The following SLC12A8 variants were observed in gnomAD, a reference collection of about 807,000 sequenced individuals.
SLC12A8 encodes the protein cation-chloride cotransporter 9.
In SLC12A8, 69 loss-of-function variants were observed where a neutral mutation model predicts 75.6. The ratio of observed to expected loss-of-function variants is 0.91; its 90% confidence interval spans 0.75 to 1.11. The LOEUF (loss-of-function observed/expected upper bound fraction) is 1.11, where lower values mean the gene tolerates loss of function less well. Ranked by LOEUF, SLC12A8 falls within the 50% of genes most tolerant of loss-of-function variation. The probability of loss-of-function intolerance (pLI) is 0.00; values close to 1 mark genes in which losing one functional copy is unlikely to be tolerated. For synonymous variants in SLC12A8, 365 were observed against 372.8 expected, an observed-to-expected ratio of 0.98 and a Z score of 0.24; for missense variants, 877 against 896.7, an observed-to-expected ratio of 0.98 and a Z score of 0.28.
At chr3:125,117,702 A>G (rs1939347343) in intron 8 of SLC12A8, among the ~76,000 whole-genome samples, 1 of 152,240 alleles carries the variant, frequency 6.6e-6, no homozygotes, top group Non-Finnish European at 1.5e-5. Flanking sequence ...TCTCTGAAAA[A>G]TGATGGGAAT....
intron 10 of SLC12A8, among the ~76,000 whole-genome samples, chr3:125,099,683 C>G (rs1938815892): frequency 6.6e-6 from 1 of 152,190 alleles, no homozygotes; most frequent in South Asian, 2.1e-4. Context: ...AATCCCAGCA[C>G]TTTGGGAGGC....
intron 5 of SLC12A8, among the ~76,000 whole-genome samples, chr3:125,174,993 T>C (rs763387213): frequency 7.9e-5 from 12 of 152,184 alleles, no homozygotes; most frequent in Admixed American, 2.0e-4. Context: ...TTCCAGTAAA[T>C]GTACCACATT....
Position 125,135,685 on chromosome 3 carries a change from G to GAA in SLC12A8, c.718_719dup (p.Phe241SerfsTer61). 6.2e-7 allele frequency: 1 copy of GAA among 1,602,704 alleles called. No individual in the cohort carries two copies. The highest frequency in any genetic ancestry group is 2.2e-5 in the East Asian group (1 of 44,740). ...TTACAATACCTGTAGCCGCTGGGAA[G>GAA]AAAACCCCAAAGACAGTGAAAAAAG... On this transcript the variant is annotated frameshift_variant, in exon 6 of 14. Transcript: ENST00000469902. LOFTEE classifies it high-confidence loss of function.
chr3:125,168,998 T>C (rs1234234182), intron 5 of SLC12A8, among the ~76,000 whole-genome samples: 1 of 152,226 alleles, frequency 6.6e-6, no homozygotes, highest in Non-Finnish European at 1.5e-5. Flanking sequence ...AGTGGAACCC[T>C]GTAGAGACCA....
intron 3 of SLC12A8, 63 bp from the exon 4 acceptor site, chr3:125,187,491 G>T: frequency 1.3e-6 from 2 of 1,501,326 alleles, no homozygotes; most frequent in Non-Finnish European, 9.1e-7. Context: ...GCTCCCTGCT[G>T]GGGGCATTGA....
chr3:125,107,947 G>C lies in SLC12A8; in HGVS notation c.1239C>G (p.Thr413=). The change falls in exon 10 of 14, where the codon ACC becomes ACG. Residue 413 remains threonine (T), a synonymous_variant. Transcript: ENST00000469902. Reference sequence around the variant, plus strand: ...CCCTGAGCACCGGCTCAGGCACCGGGGTCAGGCTGCAGGAACACATGGACA... The same window carrying C: ...CCCTGAGCACCGGCTCAGGCACCGGCGTCAGGCTGCAGGAACACATGGACA... ...FSLSMCSCSL[T]PVPEPVLREG... 6 of 1,614,174 alleles carry C rather than the reference G, an allele frequency of 3.7e-6. No homozygotes were observed. Among genetic ancestry groups the C allele is most frequent in the Non-Finnish European group, 5.1e-6 (6 of 1,180,026 alleles).
At chr3:125,212,384 C>G (rs767903852) in intron 1 of SLC12A8, among the ~76,000 whole-genome samples, 1 of 152,114 alleles carries the variant, frequency 6.6e-6, no homozygotes, top group Non-Finnish European at 1.5e-5. Flanking sequence ...CCCTTCCCGC[C>G]GCCCCGCGGC....
intron 2 of SLC12A8, among the ~76,000 whole-genome samples, chr3:125,209,000 G>A (rs1935286502): frequency 6.6e-6 from 1 of 152,114 alleles, no homozygotes; most frequent in Admixed American, 6.5e-5. Context: ...CCACTAGCCT[G>A]TCTTCCCACT....
At chr3:125,137,010 C>T (rs1445816841) in intron 5 of SLC12A8, among the ~76,000 whole-genome samples, 1 of 152,174 alleles carries the variant, frequency 6.6e-6, no homozygotes, top group Non-Finnish European at 1.5e-5. Context: ...TTCCCTCAAC[C>T]CCTGTAGTCC....
At chr3:125,140,760 C>T (rs1933611017) in intron 5 of SLC12A8, among the ~76,000 whole-genome samples, 1 of 151,932 alleles carries the variant, frequency 6.6e-6, no homozygotes, top group East Asian at 1.9e-4. Context: ...CGCTCTATCA[C>T]CGAGGCTGGA....
chr3:125,174,785 A>G (rs1934483663), intron 5 of SLC12A8, among the ~76,000 whole-genome samples: 1 of 152,266 alleles, frequency 6.6e-6, no homozygotes, highest in Admixed American at 6.5e-5. Flanking sequence ...CTATGGAAAC[A>G]GTAAAAAGAT....
At chr3:125,105,779 C>T (rs1939006423) in intron 10 of SLC12A8, among the ~76,000 whole-genome samples, 2 of 152,186 alleles carry the variant, frequency 1.3e-5, no homozygotes, top group East Asian at 1.9e-4. Flanking sequence ...CCTGTAATTT[C>T]AGCACTTTGG....
chr3:125,211,004 GA>G (rs1247054031), intron 2 of SLC12A8, among the ~76,000 whole-genome samples: 2 of 100,654 alleles, frequency 2.0e-5, no homozygotes, highest in African/African-American at 6.6e-5. Flanking sequence ...CATATTATCT[GA>G]GTCCTCACTG....
chr3:125,197,862 C>T (rs1935035677), intron 2 of SLC12A8, among the ~76,000 whole-genome samples: 1 of 152,184 alleles, frequency 6.6e-6, no homozygotes, highest in Non-Finnish European at 1.5e-5. Flanking sequence ...TGCCAAGAAT[C>T]ATCAATGGAT....
chr3:125,161,949 C>T (rs1450184453), intron 5 of SLC12A8, among the ~76,000 whole-genome samples: 1 of 152,272 alleles, frequency 6.6e-6, no homozygotes, highest in Non-Finnish European at 1.5e-5. Flanking sequence ...TTCCTTCCTT[C>T]CTTCTTCCCA....
intron 6 of SLC12A8, among the ~76,000 whole-genome samples, chr3:125,134,531 T>G (rs537521910): frequency 6.6e-6 from 1 of 152,382 alleles, no homozygotes; most frequent in East Asian, 1.9e-4. Flanking sequence ...AAATTTAAGC[T>G]GCTTGGAAGT....
intron 8 of SLC12A8, among the ~76,000 whole-genome samples, chr3:125,116,669 G>A (rs190654769): frequency 4.6e-5 from 7 of 152,336 alleles, no homozygotes; most frequent in Non-Finnish European, 8.8e-5. Flanking sequence ...GGGAAGGAGA[G>A]GAGGGAGGAG....
chr3:125,093,256 G>A (rs1938629945), intron 10 of SLC12A8, among the ~76,000 whole-genome samples: 1 of 152,104 alleles, frequency 6.6e-6, no homozygotes, highest in South Asian at 2.1e-4. Flanking sequence ...AAAACTTCAG[G>A]TGTTCTCAAC....
intron 5 of SLC12A8, among the ~76,000 whole-genome samples, chr3:125,137,934 C>T (rs1933533322): frequency 6.8e-6 from 1 of 147,700 alleles, no homozygotes; most frequent in South Asian, 2.1e-4. Context: ...CTCACACGCT[C>T]ACGCTCACAC....
Sources: allele counts gnomAD v4.1 joint callset (sites outside exome capture counted in the v4.1 genomes callset), GRCh38; gene constraint gnomAD v4.1.1; transcripts MANE v1.5; gene names NCBI Gene and HGNC (gene_info 2026-07-23, HGNC 2026-07-21).